Variants in CARF observed in about 807,000 individuals in gnomAD.
CARF encodes calcium-responsive transcription factor.
CARF carries 57 observed loss-of-function variants against 82.0 expected under a neutral mutation model. That is an observed-to-expected ratio of 0.70 (90% CI 0.56 to 0.87). The LOEUF (loss-of-function observed/expected upper bound fraction) is 0.87. Among genes scored for constraint, CARF ranks in the 40% least tolerant of loss-of-function variants. The pLI is 0.00. For synonymous variants in CARF, 268 were observed against 290.1 expected (o/e 0.92, Z 0.77); for missense variants, 771 against 855.8 (o/e 0.90, Z 1.24).
intron 2 of CARF, among the ~76,000 whole-genome samples, chr2:202,919,668 T>C (rs1690417664): frequency 6.6e-6 from 1 of 152,218 alleles, no homozygotes; most frequent in Non-Finnish European, 1.5e-5. Context: ...ACATCTTTAA[T>C]TTGTTAACCT....
chr2:202,949,516 TTTATTATTATTA>T lies in CARF; in HGVS notation c.307-3004_307-2993del, dbSNP rs201031888. Among the ~76,000 whole-genome samples the T allele has an allele frequency of 9.2e-3, 843 of 91,632 alleles. 7 individuals are homozygous for T. Among genetic ancestry groups the T allele is most frequent in the African/African-American group, 0.023 (620 of 27,254 alleles). The allele number at this position is 91,632 out of a possible 152,430, so 60.1% of individuals were successfully genotyped here. On this transcript the variant is annotated intron_variant, in intron 5 of 16. Transcript: ENST00000438828. The stretch of plus-strand genomic sequence containing the variant: ...TTTCAATATGACTTTTTGTTATTTA[TTTATTATTATTA>T]TTATTATTATTATTATTATTATTAT...
chr2:202,977,871 G>A (rs997951272), intron 14 of CARF, among the ~76,000 whole-genome samples: 10 of 151,844 alleles, frequency 6.6e-5, no homozygotes, highest in African/African-American at 1.9e-4. Context: ...TTTTTGAGAC[G>A]GTCTCACTCT....
rs1454331814 is a variant in CARF at position 202,986,908 on chromosome 2, A to G, written c.*3284A>G. The G allele has an allele frequency of 5.9e-5, 8 of 136,328 alleles. No individual in the cohort carries two copies. Among genetic ancestry groups the G allele is most frequent in the East Asian group, 2.1e-4 (1 of 4,772 alleles). The allele number at this position is 136,328 out of a possible 1,614,324, so 8.4% of individuals were successfully genotyped here. ...TATATATATATATATATATATATAT[A>G]GCAACTTGATGTATAGTGTCCTTGT... On this transcript the variant is annotated 3_prime_UTR_variant, in exon 17 of 17. Transcript: ENST00000438828.
chr2:202,945,472 C>T (rs2058452311), intron 5 of CARF, among the ~76,000 whole-genome samples: 1 of 152,162 alleles, frequency 6.6e-6, no homozygotes, highest in Non-Finnish European at 1.5e-5. Context: ...CCACCCTCCA[C>T]TCTCAAGTAG....
chr2:202,983,046 G>GGGCAAATTCTTATGGT (rs1242220650), intron 16 of CARF, among the ~76,000 whole-genome samples: 8 of 151,842 alleles, frequency 5.3e-5, no homozygotes, highest in African/African-American at 1.9e-4. Context: ...CCACCATACT[G>GGGCAAATTCTTATGGT]GGCAAATTCT....
rs767109229 is a variant in CARF at position 202,961,369 on chromosome 2, C to T, written c.775C>T (p.Arg259Cys). Reference protein sequence around the residue: ...QSPSPAKPATRLMWKSQYVPY... With the variant: ...QSPSPAKPATCLMWKSQYVPY... ...TCCAAGCCCAGCCAAGCCTGCTACA[C>T]GCTTGATGTGGAAATCCCAGTATGT... is the stretch of plus-strand genomic sequence containing the variant. The change falls in exon 9 of 17, where the codon CGC becomes TGC. Residue 259 changes from arginine (R) to cysteine (C), a missense_variant. Arg to Cys is a radical substitution (Grantham distance 180). Transcript: ENST00000438828. The T allele has an allele frequency of 1.4e-5, 23 of 1,614,022 alleles. No homozygotes were observed. Among genetic ancestry groups the T allele is most frequent in the African/African-American group, 2.7e-5 (2 of 74,916 alleles).
At chr2:202,975,689 C>T (rs2059995519) in intron 13 of CARF, among the ~76,000 whole-genome samples, 1 of 152,184 alleles carries the variant, frequency 6.6e-6, no homozygotes, top group Non-Finnish European at 1.5e-5. Flanking sequence ...ATTTAACAGA[C>T]ATTTATTGAG....
intron 5 of CARF, among the ~76,000 whole-genome samples, chr2:202,951,849 T>C (rs1418426209): frequency 6.6e-6 from 1 of 151,962 alleles, no homozygotes; most frequent in African/African-American, 2.4e-5. Flanking sequence ...TTTTTTTTTT[T>C]TGAGACAGAG....
Position 202,919,115 on chromosome 2 carries a change from A to G in CARF, c.-163+1072A>G, listed in dbSNP as rs1032081207. Among the ~76,000 whole-genome samples, 6 of 152,096 alleles carry G rather than the reference A, an allele frequency of 3.9e-5. No homozygotes were observed. The East Asian group carries it at 9.6e-4, about 24-fold the overall frequency. ...TGTGCAGGCCTGCTGAATCCCTCTA[A>G]GTTCTTTGAGGCTCACCTGTACTTG... On this transcript the variant is annotated intron_variant, in intron 2 of 16. Transcript: ENST00000438828.
rs573440440 is a variant in CARF, at chr2:202,916,482, G to A, written c.-329-1395G>A. Among the ~76,000 whole-genome samples the A allele has an allele frequency of 7.4e-4, 113 of 152,156 alleles. 1 individual carries two copies. Among genetic ancestry groups the A allele is most frequent in the African/African-American group, 2.6e-3 (106 of 41,506 alleles). ...AGGTGTGAGCCACCAGCATCCCGCC[G>A]AGCAATACTTTTTAATGTAGTTAAT... On this transcript the variant is annotated intron_variant, in intron 1 of 16. Coordinates refer to ENST00000438828, the MANE Select transcript of CARF (RefSeq NM_024744.17).
At chr2:202,946,381 A>G (rs1255352729) in intron 5 of CARF, among the ~76,000 whole-genome samples, 2 of 152,238 alleles carry the variant, frequency 1.3e-5, no homozygotes, top group African/African-American at 2.4e-5. Flanking sequence ...CAAACCTGAC[A>G]AAAACAAGAA....
intron 2 of CARF, among the ~76,000 whole-genome samples, chr2:202,919,031 C>G (rs950228341): frequency 6.6e-6 from 1 of 152,136 alleles, no homozygotes; most frequent in African/African-American, 2.4e-5. Context: ...CTCCCCACCC[C>G]TTAACTAGTG....
chr2:202,925,566 A>G (rs555324761), intron 3 of CARF: 126 of 241,476 alleles, frequency 5.2e-4, no homozygotes, highest in African/African-American at 2.4e-3. Flanking sequence ...ACATGAAGAC[A>G]GATCTCTAAG....
At chr2:202,928,765 C>T (rs1036199757) in intron 3 of CARF, among the ~76,000 whole-genome samples, 2 of 152,058 alleles carry the variant, frequency 1.3e-5, no homozygotes, top group Admixed American at 6.6e-5. Context: ...ATGTCTTCTT[C>T]GTCAGACAGG....
At position 202,936,140 on chromosome 2, in the gene CARF, T is replaced by C. The variant is rs189351240; in HGVS notation, c.-43-5720T>C. On this transcript the variant is annotated intron_variant, in intron 3 of 16. Transcript: ENST00000438828. The stretch of plus-strand genomic sequence containing the variant: ...CCACTGTATCCAGCCCCAAAATTCC[T>C]TTTTTTTCATGGAATGCCTGAACAT... Among the ~76,000 whole-genome samples the C allele has an allele frequency of 1.4e-4, 21 of 152,076 alleles. 1 individual carries two copies. The highest frequency in any genetic ancestry group is 5.1e-4 in the African/African-American group (21 of 41,472).
At position 202,981,573 on chromosome 2, in the gene CARF, C is replaced by A; in HGVS notation, c.1577C>A (p.Ser526Ter). The A allele has an allele frequency of 6.3e-7, 1 of 1,599,066 alleles. No individual in the cohort carries two copies. Among genetic ancestry groups the A allele is most frequent in the Non-Finnish European group, 8.5e-7 (1 of 1,171,840 alleles). ...TFAEGNSPGESITTKVETNQT... is the reference protein window; with the variant it reads ...TFAEGNSPGE ...AATTTAGGAAATTCACCAGGAGAAT[C>A]AATTACCACCAAAGTGGAAACAAAT... The change falls in exon 15 of 17, where the codon TCA (serine) becomes TAA (stop). Residue 526 changes from serine (S) to a stop codon, truncating the protein, a stop_gained. Transcript: ENST00000438828. LOFTEE classifies it high-confidence loss of function.
chr2:202,936,511 A>G (rs1644058565), intron 3 of CARF, among the ~76,000 whole-genome samples: 1 of 152,138 alleles, frequency 6.6e-6, no homozygotes, highest in African/African-American at 2.4e-5. Context: ...TTTTATGTAA[A>G]TAGAATCATA....
chr2:202,947,468 G>T (rs778195873), intron 5 of CARF, among the ~76,000 whole-genome samples: 1 of 152,080 alleles, frequency 6.6e-6, no homozygotes, highest in Non-Finnish European at 1.5e-5. Context: ...ATACACCAGG[G>T]CCTGTCGGGG....
At chr2:202,949,140 A>T (rs1354992713) in intron 5 of CARF, among the ~76,000 whole-genome samples, 1 of 152,090 alleles carries the variant, frequency 6.6e-6, no homozygotes, top group African/African-American at 2.4e-5. Flanking sequence ...CCGAGACTAG[A>T]CTGGTCAACA....
Sources: gnomAD v4.1 joint callset for allele counts (sites outside exome capture counted in the v4.1 genomes callset) on GRCh38, gnomAD v4.1.1 for gene constraint, MANE v1.5 for transcripts, NCBI Gene and HGNC (gene_info 2026-07-23, HGNC 2026-07-21) for gene names.